The following PRDM6 variants were observed in gnomAD, a reference collection of about 807,000 sequenced individuals.
PRDM6 encodes the protein putative histone-lysine N-methyltransferase PRDM6.
A neutral mutation model predicts 60.8 loss-of-function variants in PRDM6; 25 were observed. The ratio of observed to expected loss-of-function variants is 0.41; its 90% CI spans 0.30 to 0.57. The LOEUF (loss-of-function observed/expected upper bound fraction) is 0.57. Among genes scored for constraint, PRDM6 ranks in the 20% least tolerant of loss-of-function variants. The pLI is 0.27. For synonymous variants in PRDM6, 407 were observed against 357.4 expected (o/e 1.14, Z -1.57); for missense variants, 839 against 821.3 (o/e 1.02, Z -0.26).
At chr5:123,172,617 A>G (rs182061382) in intron 6 of PRDM6, among the ~76,000 whole-genome samples, 7 of 152,380 alleles carry the variant, frequency 4.6e-5, no homozygotes, top group Admixed American at 4.6e-4. Flanking sequence ...TTTAAAATAC[A>G]AAAGATGCAT....
intron 4 of PRDM6, among the ~76,000 whole-genome samples, chr5:123,157,853 A>G (rs1159501043): frequency 2.0e-5 from 3 of 152,254 alleles, no homozygotes; most frequent in South Asian, 2.1e-4. Flanking sequence ...TTTGAGGCTG[A>G]CAATAATGTT....
At chr5:123,132,632 C>A (rs1026371635) in intron 3 of PRDM6, among the ~76,000 whole-genome samples, 15 of 152,024 alleles carry the variant, frequency 9.9e-5, no homozygotes, top group African/African-American at 3.4e-4. Context: ...GGCCCAGACT[C>A]AAAAAAGTGT....
chr5:123,170,178 C>T (rs1318728831), intron 5 of PRDM6, among the ~76,000 whole-genome samples: 2 of 152,134 alleles, frequency 1.3e-5, no homozygotes, highest in African/African-American at 4.8e-5. Context: ...GCTCAGTCAG[C>T]CCGTCTCCCT....
At chr5:123,127,410 A>G (rs1764717683) in intron 3 of PRDM6, among the ~76,000 whole-genome samples, 1 of 152,222 alleles carries the variant, frequency 6.6e-6, no homozygotes. Context: ...AGGAAGGAAA[A>G]CACAACAAGA....
At chr5:123,090,765 T>C (rs968193818) in intron 2 of PRDM6, among the ~76,000 whole-genome samples, 159 bp downstream of exon 2, 1 of 152,110 alleles carries the variant, frequency 6.6e-6, no homozygotes, top group Non-Finnish European at 1.5e-5. Flanking sequence ...CCCCGATCTC[T>C]GTGACAAAAG....
chr5:123,173,269 A>T (rs1209633784), intron 6 of PRDM6: 1 of 156,626 alleles, frequency 6.4e-6, no homozygotes, highest in Admixed American at 6.5e-5. Flanking sequence ...TAATATACTT[A>T]TGTATATTAT....
intron 3 of PRDM6, among the ~76,000 whole-genome samples, chr5:123,107,385 A>G (rs374639009): frequency 9.2e-5 from 14 of 152,230 alleles, no homozygotes; most frequent in African/African-American, 3.1e-4. Context: ...CAAGTGTGAA[A>G]TGCTCAAAAT....
At chr5:123,129,063 C>A (rs1454267076) in intron 3 of PRDM6, among the ~76,000 whole-genome samples, 1 of 151,960 alleles carries the variant, frequency 6.6e-6, no homozygotes, top group Non-Finnish European at 1.5e-5. Flanking sequence ...TGTCAAAGAT[C>A]AGATGGTTGT....
intron 2 of PRDM6, among the ~76,000 whole-genome samples, chr5:123,095,399 G>A (rs1438917874): frequency 1.3e-5 from 2 of 152,262 alleles, no homozygotes; most frequent in Non-Finnish European, 2.9e-5. Context: ...AAGGCAGTGG[G>A]GGGACCGCAG....
intron 3 of PRDM6, among the ~76,000 whole-genome samples, chr5:123,149,238 C>T (rs1412050410): frequency 6.6e-6 from 1 of 152,134 alleles, no homozygotes; most frequent in African/African-American, 2.4e-5. Flanking sequence ...TTGCTGTTTT[C>T]CTCTCTAGAC....
chr5:123,090,297 T>A lies in PRDM6; in HGVS notation c.283T>A (p.Ser95Thr), dbSNP rs1763794976. 6.7e-7 allele frequency: 1 copy of A among 1,488,448 alleles called. No homozygotes were observed. Among genetic ancestry groups the A allele is most frequent in the Non-Finnish European group, 8.9e-7 (1 of 1,121,192 alleles). 92.2% of individuals were successfully genotyped at this position (1,488,448 alleles called of 1,614,324 possible). A position where few individuals can be genotyped will look rare whatever the true frequency, so the allele number is the denominator to read the frequency against. Reference sequence around the variant, plus strand: ...TTCCACCTCCGCCTCCTCCGCCTCCTCCTGCGCTGCTGCGGCCGCTGCCGC... The same window carrying A: ...TTCCACCTCCGCCTCCTCCGCCTCCACCTGCGCTGCTGCGGCCGCTGCCGC... ...SSSTSASSAS[S>T]CAAAAAAAAL... The change falls in exon 2 of 8, where the codon TCC (serine) becomes ACC (threonine). Residue 95 changes from serine to threonine, a missense_variant. Physicochemically the swap from Ser to Thr is moderately conservative, Grantham distance 58. Coordinates refer to ENST00000407847, the MANE Select transcript of PRDM6 (RefSeq NM_001136239.4).
At position 123,090,063 on chromosome 5, in the gene PRDM6, C is replaced by G. The variant is rs1323535432; in HGVS notation, c.49C>G (p.Pro17Ala). ...PGGSAFLKVD[P>A]AYLQHWQQLF... ...CGGTTCGGCCTTCCTCAAAGTGGAC[C>G]CAGCCTACCTGCAGCACTGGCAGCA... The change falls in exon 2 of 8, where the codon CCA becomes GCA. Residue 17 changes from proline (P) to alanine (A), a missense_variant. Transcript: ENST00000407847. The G allele has an allele frequency of 1.9e-6, 3 of 1,548,338 alleles. No individual in the cohort carries two copies. Among genetic ancestry groups the G allele is most frequent in the African/African-American group, 1.4e-5 (1 of 72,742 alleles).
chr5:123,170,795 A>T lies in PRDM6; in HGVS notation c.1183A>T (p.Met395Leu). 1 of 1,551,732 alleles carries T rather than the reference A, an allele frequency of 6.4e-7. No homozygotes were observed. The highest frequency in any genetic ancestry group is 8.7e-7 in the Non-Finnish European group (1 of 1,146,914). ...LNVPSTVMEA[M>L]CRQDALQPFN... ...TGTCCCTTCAACGGTAATGGAAGCC[A>T]TGTGCAGACAAGACGCCCTGCAGCC... Residue 395 changes from methionine (M) to leucine (L), a missense_variant, in exon 6 of 8, where the codon ATG becomes TTG. By Grantham distance (15) the Met-to-Leu change is conservative. Around this residue, in one of 2 missense-constraint regions of PRDM6, gnomAD observed 730 missense variants for 648.8 expected, o/e 1.13. Coordinates refer to ENST00000407847, the MANE Select transcript of PRDM6 (RefSeq NM_001136239.4).
At chr5:123,151,080 G>C (rs76400186) in intron 3 of PRDM6, among the ~76,000 whole-genome samples, 2,579 of 152,214 alleles carry the variant, frequency 0.017, 70 homozygotes, top group African/African-American at 0.058. Context: ...CATGCATTGG[G>C]TTCCTTCTAT....
chr5:123,174,316 T>G (rs1393293183), intron 6 of PRDM6, among the ~76,000 whole-genome samples: 1 of 152,248 alleles, frequency 6.6e-6, no homozygotes, highest in East Asian at 1.9e-4. Context: ...CCTTTAGTCT[T>G]TAGCAATATA....
At chr5:123,155,627 T>C (rs1249042535) in intron 3 of PRDM6, among the ~76,000 whole-genome samples, 1 of 152,132 alleles carries the variant, frequency 6.6e-6, no homozygotes, top group African/African-American at 2.4e-5. Flanking sequence ...CTTTGGGAAA[T>C]ATGGTCACAT....
chr5:123,174,843 G>T (rs1038064731), intron 6 of PRDM6, among the ~76,000 whole-genome samples: 5 of 152,058 alleles, frequency 3.3e-5, no homozygotes, highest in African/African-American at 1.2e-4. Context: ...ACACCCATGA[G>T]GGTCCAGGAA....
At chr5:123,173,928 C>T (rs775582049) in intron 6 of PRDM6, among the ~76,000 whole-genome samples, 3 of 152,134 alleles carry the variant, frequency 2.0e-5, no homozygotes, top group African/African-American at 4.8e-5. Flanking sequence ...AATTGCTAAA[C>T]GGAAAAAATG....
At chr5:123,179,625 C>T (rs1257888112) in intron 6 of PRDM6, among the ~76,000 whole-genome samples, 1 of 152,178 alleles carries the variant, frequency 6.6e-6, no homozygotes, top group African/African-American at 2.4e-5. Flanking sequence ...GCCTTAGTAT[C>T]AAGAGCTTGT....
Sources: gnomAD v4.1 joint callset for allele counts (sites outside exome capture counted in the v4.1 genomes callset) on GRCh38, gnomAD v4.1.1 for gene constraint, gnomAD v4.1.1 regional missense constraint, MANE v1.5 for transcripts, NCBI Gene and HGNC (gene_info 2026-07-23, HGNC 2026-07-21) for gene names.